CD34: variants seen among roughly 807,000 people sequenced by gnomAD.
CD34 encodes CD34 molecule.
In CD34, 34 loss-of-function variants were observed where a neutral mutation model predicts 40.1. The ratio of observed to expected loss-of-function variants is 0.85; its 90% confidence interval spans 0.65 to 1.13. The LOEUF (loss-of-function observed/expected upper bound fraction) is 1.13. Ranked by LOEUF, CD34 falls within the 50% of genes most tolerant of loss-of-function variation. CD34 has a pLI of 0.00. For synonymous variants in CD34, 209 were observed against 190.0 expected (o/e 1.10, Z -0.82); for missense variants, 426 against 466.9 (o/e 0.91, Z 0.81).
In CD34 at chr1:207,899,169, T is replaced by A. The variant is rs1662217544; in HGVS notation, c.320A>T (p.Asn107Ile). 5.0e-6 allele frequency: 8 copies of A among 1,613,478 alleles called. No homozygotes were observed. Among genetic ancestry groups the A allele is most frequent in the African/African-American group, 1.3e-5 (1 of 74,722 alleles). ...SVITSVYGNT[N>I]SSVQSQTSVI... ...AGAGGTCTGTGACTGGACAGAAGAG[T>A]TTGTGTTTCCATAAACTGAGGTTAT... Residue 107 changes from asparagine (N) to isoleucine (I), a missense_variant, in exon 3 of 8, where the codon AAC becomes ATC. Physicochemically the swap from Asn to Ile is moderately radical, Grantham distance 149. Transcript: ENST00000310833.
At position 207,899,011 on chromosome 1, in the gene CD34, G is replaced by T. The variant is rs749484739; in HGVS notation, c.478C>A (p.Pro160Thr). Residue 160 changes from proline to threonine, a missense_variant, in exon 3 of 8, where the codon CCC becomes ACC. Physicochemically the swap from Pro to Thr is conservative, Grantham distance 38. Coordinates refer to ENST00000310833, the MANE Select transcript of CD34 (RefSeq NM_001025109.2). Reference protein sequence around the residue: ...STSLATSPTKPYTSSSPILSD... With the variant: ...STSLATSPTKTYTSSSPILSD... ...AGGATAGGAGAAGATGATGTATAGG[G>T]TTTAGTGGGAGATGTTGCAAGGCTA... 16 of 1,614,212 alleles carry T rather than the reference G, an allele frequency of 9.9e-6. No individual in the cohort carries two copies. The South Asian group carries it at 1.8e-4, about 18-fold the overall frequency.
intron 1 of CD34, among the ~76,000 whole-genome samples, chr1:207,902,886 C>T (rs534782427): frequency 6.6e-6 from 1 of 152,216 alleles, no homozygotes; most frequent in Non-Finnish European, 1.5e-5. Context: ...GCTGCAGCAG[C>T]CCCTCCACCC....
chr1:207,900,039 A>T, intron 1 of CD34, 36 bp from the exon 2 acceptor site: 4 of 1,529,004 alleles, frequency 2.6e-6, no homozygotes, highest in Non-Finnish European at 3.6e-6. Flanking sequence ...CAGAACCTAA[A>T]GATATCAGCC....
intron 1 of CD34, among the ~76,000 whole-genome samples, chr1:207,905,307 T>G (rs532542131): frequency 6.6e-6 from 1 of 152,244 alleles, no homozygotes; most frequent in African/African-American, 2.4e-5. Context: ...GGCTAATTTT[T>G]GTATTTTTAG....
Position 207,884,282 on chromosome 1 carries a change from A to C in CD34, c.*3456T>G, listed in dbSNP as rs1661859496. ...ATGTAAAATACCAACCATTATTCTC[A>C]ATATATTTTATGTTTTTCATAGCTC... On this transcript the variant is annotated 3_prime_UTR_variant, in exon 8 of 8. Coordinates refer to ENST00000310833, the MANE Select transcript of CD34 (RefSeq NM_001025109.2). The C allele has an allele frequency of 6.6e-6, 1 of 152,216 alleles. No individual in the cohort carries two copies. The highest frequency in any genetic ancestry group is 1.5e-5 in the Non-Finnish European group (1 of 68,050). The allele number at this position is 152,216 out of a possible 1,614,324, so 9.4% of individuals were successfully genotyped here.
In CD34 at chr1:207,886,970, C is replaced by T. The variant is rs900217085; in HGVS notation, c.*768G>A. On this transcript the variant is annotated 3_prime_UTR_variant, in exon 8 of 8. Transcript: ENST00000310833. ...ACAGGTGAGAGGCTCAGCTCCAAGA[C>T]CTGGTCCCATGGTCCTGCCTACTTT... 2 of 152,448 alleles carry T rather than the reference C, an allele frequency of 1.3e-5. No individual in the cohort carries two copies. Among genetic ancestry groups the T allele is most frequent in the Non-Finnish European group, 2.9e-5 (2 of 68,238 alleles). 9.4% of individuals were successfully genotyped at this position (152,448 alleles called of 1,614,324 possible).
intron 4 of CD34, among the ~76,000 whole-genome samples, chr1:207,890,986 T>C (rs1662020148): frequency 6.6e-6 from 1 of 152,188 alleles, no homozygotes; most frequent in South Asian, 2.1e-4. Flanking sequence ...CTAAACCCAG[T>C]TGTCTCAGGG....
At chr1:207,894,632 CTATT>C (rs1156564293) in intron 4 of CD34, among the ~76,000 whole-genome samples, 2 of 152,094 alleles carry the variant, frequency 1.3e-5, no homozygotes, top group African/African-American at 4.8e-5. Flanking sequence ...ATTTTGGAAA[CTATT>C]TGGGGAACCA....
chr1:207,905,324 C>T (rs1338460722), intron 1 of CD34, among the ~76,000 whole-genome samples: 3 of 152,124 alleles, frequency 2.0e-5, no homozygotes, highest in Admixed American at 6.5e-5. Flanking sequence ...TTAGTAGAGA[C>T]GGGGTTTAGC....
intron 4 of CD34, 68 bp downstream of exon 4, chr1:207,897,425 G>T: frequency 8.6e-7 from 1 of 1,156,132 alleles, no homozygotes; most frequent in Non-Finnish European, 1.3e-6. Context: ...AAGGTTTAAG[G>T]GTGTTCAGAA....
At chr1:207,888,621 C>T (rs1170995191) in intron 7 of CD34, 61 bp downstream of exon 7, 3 of 1,546,066 alleles carry the variant, frequency 1.9e-6, no homozygotes, top group Admixed American at 1.7e-5. Context: ...ATGACATCCA[C>T]TGAACTCCCC....
rs756747544 is a variant in CD34, at chr1:207,911,110, C to T, written c.-30G>A. The T allele has an allele frequency of 4.1e-5, 63 of 1,551,160 alleles. No individual in the cohort carries two copies. The South Asian group carries it at 6.7e-4, about 17-fold the overall frequency. ...CCCGCGCGGCTCCTAGAGAGACGCA[C>T]CGAGTGGAAGACACTACTCGGCTTG... On this transcript the variant is annotated 5_prime_UTR_variant, in exon 1 of 8. The change creates a new upstream start codon in the 5' untranslated region. Transcript: ENST00000310833.
rs564665033 is a variant in CD34, at chr1:207,907,686, A to G, written c.79+3316T>C. 1.3e-3 allele frequency among the ~76,000 whole-genome samples: 202 copies of G among 152,286 alleles called. 2 individuals carry two copies. Among genetic ancestry groups the G allele is most frequent in the African/African-American group, 4.6e-3 (192 of 41,568 alleles). On this transcript the variant is annotated intron_variant, in intron 1 of 7. Coordinates refer to ENST00000310833, the MANE Select transcript of CD34 (RefSeq NM_001025109.2). ...GAAGTACACCTTTATATGCATCCCT[A>G]TTTGTTTGTCTCTCCATCTTTCCAA... is the stretch of plus-strand genomic sequence containing the variant.
chr1:207,891,473 G>A (rs1013408592), intron 4 of CD34, among the ~76,000 whole-genome samples: 2 of 151,774 alleles, frequency 1.3e-5, no homozygotes, highest in Non-Finnish European at 2.9e-5. Context: ...CTTCAGCCCA[G>A]GAATTCGAGA....
At chr1:207,895,119 C>T (rs1662122033) in intron 4 of CD34, among the ~76,000 whole-genome samples, 2 of 152,212 alleles carry the variant, frequency 1.3e-5, no homozygotes, top group Admixed American at 6.5e-5. Flanking sequence ...GGCCCTCTGA[C>T]ACCGAAAGTA....
intron 6 of CD34, 68 bp from the exon 7 acceptor site, chr1:207,888,914 C>A: frequency 6.6e-7 from 1 of 1,513,598 alleles, no homozygotes; most frequent in Non-Finnish European, 9.1e-7. Flanking sequence ...CGCTCCAGCC[C>A]TCTGTGTGTG....
chr1:207,882,363 G>A lies in CD34; in HGVS notation c.*5375C>T, dbSNP rs1381925889. On this transcript the variant is annotated 3_prime_UTR_variant, in exon 8 of 8. Coordinates refer to ENST00000310833, the MANE Select transcript of CD34 (RefSeq NM_001025109.2). ...ATGGGGAACCTGGACCCACCAGTGT[G>A]GTATCAAAGGAGGGGTGCTAAACAG... 6.6e-6 allele frequency: 1 copy of A among 152,158 alleles called. No individual in the cohort carries two copies. Among genetic ancestry groups the A allele is most frequent in the Non-Finnish European group, 1.5e-5 (1 of 68,038 alleles). 9.4% of individuals were successfully genotyped at this position (152,158 alleles called of 1,614,324 possible). A position where few individuals can be genotyped will look rare whatever the true frequency, so the allele number is the denominator to read the frequency against.
At chr1:207,888,027 G>C in intron 7 of CD34, 104 bp from the exon 8 acceptor site, 2 of 1,564,648 alleles carry the variant, frequency 1.3e-6, no homozygotes, top group South Asian at 2.3e-5. Flanking sequence ...GTGGGAGAAG[G>C]GGGAGGGGGA....
intron 4 of CD34, among the ~76,000 whole-genome samples, chr1:207,895,031 G>T (rs995977689): frequency 2.1e-4 from 32 of 152,260 alleles, no homozygotes; most frequent in African/African-American, 7.5e-4. Context: ...TGATGCTCGG[G>T]GAAACCAAAT....
Sources: gnomAD v4.1 joint callset for allele counts (sites outside exome capture counted in the v4.1 genomes callset) on GRCh38, gnomAD v4.1.1 for gene constraint, MANE v1.5 for transcripts, NCBI Gene and HGNC (gene_info 2026-07-23, HGNC 2026-07-21) for gene names.